Variants in B3GALT1 observed in about 807,000 individuals in gnomAD.
B3GALT1 encodes the protein UDP-Gal:betaGlcNAc beta 1,3-galactosyltransferase, polypeptide 1.
Under a neutral mutation model 23.2 loss-of-function variants are expected in B3GALT1, and 10 were observed. The ratio of observed to expected loss-of-function variants is 0.43; its 90% confidence interval spans 0.27 to 0.73. B3GALT1 has a LOEUF of 0.73. B3GALT1 is among the 30% of genes least tolerant of loss of function. The pLI is 0.21. For synonymous variants in B3GALT1, 156 were observed against 141.5 expected, an observed-to-expected ratio of 1.10 and a Z score of -0.73; for missense variants, 299 against 405.4, an observed-to-expected ratio of 0.74 and a Z score of 2.25.
chr2:167,312,063 T>A (rs886346191), intron 1 of B3GALT1, among the ~76,000 whole-genome samples: 2 of 152,128 alleles, frequency 1.3e-5, no homozygotes, highest in South Asian at 2.1e-4. Context: ...AAATTTATGT[T>A]GACGGATTTG....
At chr2:167,572,906 A>C (rs970776750) in intron 2 of B3GALT1, among the ~76,000 whole-genome samples, 6 of 151,780 alleles carry the variant, frequency 4.0e-5, no homozygotes, top group Admixed American at 3.9e-4. Context: ...TTGCCCTACT[A>C]AATTAGAAAT....
intron 1 of B3GALT1, among the ~76,000 whole-genome samples, chr2:167,432,177 G>A (rs1209168876): frequency 6.6e-6 from 1 of 152,142 alleles, no homozygotes; most frequent in African/African-American, 2.4e-5. Context: ...TGGGGACTCA[G>A]AAAAGTAAAG....
chr2:167,684,666 A>G (rs1390271733), intron 3 of B3GALT1, among the ~76,000 whole-genome samples: 1 of 152,248 alleles, frequency 6.6e-6, no homozygotes, highest in Admixed American at 6.5e-5. Context: ...TTGTAACACT[A>G]ATCAAAATCC....
chr2:167,559,206 G>C (rs961969034), intron 2 of B3GALT1, among the ~76,000 whole-genome samples: 2 of 152,182 alleles, frequency 1.3e-5, no homozygotes, highest in Admixed American at 6.5e-5. Context: ...ACATGGTCTG[G>C]AGTGGACCTC....
intron 3 of B3GALT1, among the ~76,000 whole-genome samples, chr2:167,675,888 A>G (rs1466049396): frequency 1.3e-5 from 2 of 151,170 alleles, no homozygotes; most frequent in Non-Finnish European, 2.9e-5. Flanking sequence ...GGTATCTAGT[A>G]TCCCTAGCCC....
intron 3 of B3GALT1, among the ~76,000 whole-genome samples, chr2:167,767,539 G>A (rs910042549): frequency 6.6e-6 from 1 of 152,052 alleles, no homozygotes; most frequent in Non-Finnish European, 1.5e-5. Flanking sequence ...ACTCAGACAT[G>A]TTATAACAAG....
At chr2:167,775,371 C>G (rs1248138821) in intron 3 of B3GALT1, among the ~76,000 whole-genome samples, 1 of 152,052 alleles carries the variant, frequency 6.6e-6, no homozygotes, top group East Asian at 1.9e-4. Context: ...GAGTTCGAGA[C>G]CAGCCTGGCC....
chr2:167,679,950 A>C (rs756835813), intron 3 of B3GALT1, among the ~76,000 whole-genome samples: 3 of 152,140 alleles, frequency 2.0e-5, no homozygotes, highest in Non-Finnish European at 4.4e-5. Flanking sequence ...GTTTTCCTTT[A>C]CTGATAGAAT....
At chr2:167,296,830 G>A (rs1051466046) in intron 1 of B3GALT1, among the ~76,000 whole-genome samples, 1 of 152,002 alleles carries the variant, frequency 6.6e-6, no homozygotes, top group Non-Finnish European at 1.5e-5. Flanking sequence ...TTCTATTGGG[G>A]TGCAATAGAT....
chr2:167,765,152 C>T (rs1051145682), intron 3 of B3GALT1, among the ~76,000 whole-genome samples: 12 of 152,134 alleles, frequency 7.9e-5, no homozygotes, highest in Non-Finnish European at 1.2e-4. Context: ...TAAGTATAAA[C>T]GCAGCCTGGA....
Position 167,448,247 on chromosome 2 carries a change from A to G in B3GALT1, c.-510-41930A>G, listed in dbSNP as rs111409927. The stretch of plus-strand genomic sequence containing the variant: ...TAGTTTACATTCCTACCAGCAGTGG[A>G]AAAGTGTTTCCTTTTCACCACATCT... On this transcript the variant is annotated intron_variant, in intron 1 of 4. Transcript: ENST00000392690. Among the ~76,000 whole-genome samples the G allele has an allele frequency of 3.8e-3, 586 of 152,216 alleles. 6 individuals are homozygous for G. The highest frequency in any genetic ancestry group is 0.013 in the African/African-American group (560 of 41,528).
At chr2:167,622,068 A>C (rs1685269581) in intron 2 of B3GALT1, among the ~76,000 whole-genome samples, 4 of 152,264 alleles carry the variant, frequency 2.6e-5, no homozygotes, top group African/African-American at 9.6e-5. Flanking sequence ...ATACACATTC[A>C]TTACCTGCTC....
In B3GALT1 at chr2:167,610,090, G is replaced by A. The variant is rs1265575478; in HGVS notation, c.-409-36819G>A. Among the ~76,000 whole-genome samples the A allele has an allele frequency of 2.6e-5, 4 of 152,008 alleles. No individual in the cohort carries two copies. In the East Asian group the frequency reaches 7.7e-4, roughly 29 times the overall value. ...AGGAAAATGAGGATATAGTTAAAGAGGACAAAAGAAAAATGAGACAGTGCT... is the reference window on the plus strand; with the variant it reads ...AGGAAAATGAGGATATAGTTAAAGAAGACAAAAGAAAAATGAGACAGTGCT... On this transcript the variant is annotated intron_variant, in intron 2 of 4. Transcript: ENST00000392690.
chr2:167,557,892 C>G (rs1485935032), intron 2 of B3GALT1, among the ~76,000 whole-genome samples: 3 of 152,214 alleles, frequency 2.0e-5, no homozygotes, highest in African/African-American at 7.2e-5. Flanking sequence ...TATATTCAGT[C>G]TAAACCTTTG....
chr2:167,771,863 C>T (rs1360355901), intron 3 of B3GALT1, among the ~76,000 whole-genome samples: 1 of 152,080 alleles, frequency 6.6e-6, no homozygotes, highest in East Asian at 1.9e-4. Context: ...TGGGAGAGTC[C>T]CTTCTCATGC....
In B3GALT1 at chr2:167,345,513, A is replaced by G. The variant is rs541314718; in HGVS notation, c.-511+52179A>G. ...TTGACAAAATTAGTTTTTAAAATCTATGTTGCTTAATCAGAGCAGTTGTGA... is the reference window on the plus strand; with the variant it reads ...TTGACAAAATTAGTTTTTAAAATCTGTGTTGCTTAATCAGAGCAGTTGTGA... On this transcript the variant is annotated intron_variant, in intron 1 of 4. Coordinates refer to ENST00000392690, the MANE Select transcript of B3GALT1 (RefSeq NM_020981.4). 6.6e-5 allele frequency among the ~76,000 whole-genome samples: 10 copies of G among 152,294 alleles called. 1 individual carries two copies. Among genetic ancestry groups the G allele is most frequent in the Non-Finnish European group, 1.2e-4 (8 of 68,020 alleles).
At chr2:167,608,030 A>G (rs1684996117) in intron 2 of B3GALT1, among the ~76,000 whole-genome samples, 1 of 152,238 alleles carries the variant, frequency 6.6e-6, no homozygotes, top group Non-Finnish European at 1.5e-5. Context: ...CCTCTAGTGC[A>G]GACGATTTAT....
At chr2:167,699,378 C>CTTTTTTTTTTTTTTTT (rs1285786645) in intron 3 of B3GALT1, among the ~76,000 whole-genome samples, 2 of 78,666 alleles carry the variant, frequency 2.5e-5, no homozygotes, top group Non-Finnish European at 5.1e-5. Context: ...GCCATTATTT[C>CTTTTTTTTTTTTTTTT]TATTTTTTTT....
At chr2:167,297,186 A>T (rs1415976571) in intron 1 of B3GALT1, among the ~76,000 whole-genome samples, 2 of 152,126 alleles carry the variant, frequency 1.3e-5, no homozygotes, top group African/African-American at 4.8e-5. Flanking sequence ...GGACAACATT[A>T]TCTTTTAATG....
Sources: allele counts gnomAD v4.1 joint callset (sites outside exome capture counted in the v4.1 genomes callset), GRCh38; gene constraint gnomAD v4.1.1; transcripts MANE v1.5; gene names NCBI Gene and HGNC (gene_info 2026-07-23, HGNC 2026-07-21).